Variants in TMTC1 observed in about 807,000 individuals in gnomAD.
TMTC1 encodes the protein protein O-mannosyl-transferase TMTC1.
In TMTC1, 73 loss-of-function variants were observed where a neutral mutation model predicts 104.8. That is an observed-to-expected ratio of 0.70 (90% confidence interval 0.58 to 0.85). TMTC1 has a LOEUF of 0.85. TMTC1 is among the 40% of genes least tolerant of loss of function. The pLI is 0.00. For missense variants in TMTC1, 1,035 were observed against 1,096.1 expected (o/e 0.94, Z 0.79); for synonymous variants, 434 against 428.7 (o/e 1.01, Z -0.15).
At chr12:29,574,742 C>T (rs997059438) in intron 8 of TMTC1, among the ~76,000 whole-genome samples, 1 of 152,240 alleles carries the variant, frequency 6.6e-6, no homozygotes, top group Non-Finnish European at 1.5e-5. Flanking sequence ...ATTAGGGCCT[C>T]ACCCTTGTGA....
chr12:29,630,388 T>TC (rs1315372560), intron 6 of TMTC1, among the ~76,000 whole-genome samples: 1 of 152,144 alleles, frequency 6.6e-6, no homozygotes, highest in East Asian at 1.9e-4. Flanking sequence ...CCATCAGATC[T>TC]CGTGAGAACT....
chr12:29,509,120 C>G (rs1565632573), intron 17 of TMTC1, among the ~76,000 whole-genome samples: 1 of 152,158 alleles, frequency 6.6e-6, no homozygotes, highest in Non-Finnish European at 1.5e-5. Context: ...CTGCCTCGGA[C>G]AGGGCAGCTA....
At chr12:29,617,390 C>A (rs567611116) in intron 6 of TMTC1, among the ~76,000 whole-genome samples, 1 of 152,056 alleles carries the variant, frequency 6.6e-6, no homozygotes, top group Non-Finnish European at 1.5e-5. Flanking sequence ...GTTTCATTGC[C>A]ATCTAAAAAG....
intron 6 of TMTC1, among the ~76,000 whole-genome samples, chr12:29,631,808 T>C (rs1201450678): frequency 6.6e-6 from 1 of 152,200 alleles, no homozygotes. Flanking sequence ...GCTGAAATTA[T>C]TACTCAGTTC....
intron 5 of TMTC1, among the ~76,000 whole-genome samples, chr12:29,717,042 A>AACAG (rs1469557912): frequency 6.6e-6 from 1 of 152,104 alleles, no homozygotes; most frequent in Non-Finnish European, 1.5e-5. Context: ...CAAACAAACA[A>AACAG]ACAAAAATTC....
intron 9 of TMTC1, among the ~76,000 whole-genome samples, chr12:29,565,507 C>T (rs1183058538): frequency 3.3e-5 from 5 of 152,162 alleles, no homozygotes; most frequent in Non-Finnish European, 7.3e-5. Flanking sequence ...TTACATTATA[C>T]CTCAGTTACC....
At chr12:29,531,164 T>G (rs1186436720) in intron 11 of TMTC1, among the ~76,000 whole-genome samples, 1 of 152,150 alleles carries the variant, frequency 6.6e-6, no homozygotes, top group Non-Finnish European at 1.5e-5. Flanking sequence ...ACTCTGGCGC[T>G]TGGTGGCATC....
intron 5 of TMTC1, among the ~76,000 whole-genome samples, chr12:29,637,476 A>C (rs1403056723): frequency 1.3e-5 from 2 of 152,242 alleles, no homozygotes; most frequent in Middle Eastern, 3.2e-3. Flanking sequence ...TGGCACAGAA[A>C]GCCAGGAATT....
At position 29,593,460 on chromosome 12, in the gene TMTC1, T is replaced by C. The variant is rs114864330; in HGVS notation, c.1251-9886A>G. 7.4e-3 allele frequency among the ~76,000 whole-genome samples: 1,130 copies of C among 152,336 alleles called. 10 individuals carry two copies. Among genetic ancestry groups the C allele is most frequent in the African/African-American group, 0.026 (1,080 of 41,572 alleles). On this transcript the variant is annotated intron_variant, in intron 7 of 17. Coordinates refer to ENST00000539277, the MANE Select transcript of TMTC1 (RefSeq NM_001193451.2). Reference sequence around the variant, plus strand: ...GTCCAGATTGACCCAAAATATCTAATTTCATTATAAGTTTTTTAAGAGCAA... The same window carrying C: ...GTCCAGATTGACCCAAAATATCTAACTTCATTATAAGTTTTTTAAGAGCAA...
chr12:29,730,832 C>T (rs1473917942), intron 5 of TMTC1, among the ~76,000 whole-genome samples: 1 of 152,114 alleles, frequency 6.6e-6, no homozygotes, highest in Non-Finnish European at 1.5e-5. Flanking sequence ...ATGGGAAATG[C>T]CATTCAGTAT....
chr12:29,699,329 A>G (rs1265147491), intron 5 of TMTC1, among the ~76,000 whole-genome samples: 2 of 152,214 alleles, frequency 1.3e-5, no homozygotes, highest in Admixed American at 6.5e-5. Context: ...TAATTTTAAA[A>G]TAATCTATAA....
At chr12:29,692,626 A>T (rs1403364457) in intron 5 of TMTC1, among the ~76,000 whole-genome samples, 1 of 145,192 alleles carries the variant, frequency 6.9e-6, no homozygotes, top group African/African-American at 2.5e-5. Flanking sequence ...TAAAGTGGCA[A>T]TTCCTTCCTT....
At chr12:29,533,090 T>C (rs1410736103) in intron 11 of TMTC1, 1 of 152,206 alleles carries the variant, frequency 6.6e-6, no homozygotes, top group Non-Finnish European at 1.5e-5. Context: ...CCACAAGGTT[T>C]TCTTCCTCAC....
chr12:29,757,724 TCA>T (rs1375447371), intron 3 of TMTC1, among the ~76,000 whole-genome samples: 2 of 152,142 alleles, frequency 1.3e-5, no homozygotes, highest in African/African-American at 4.8e-5. Context: ...TTTATTGAAC[TCA>T]CAGTTCCACA....
upstream of TMTC1, among the ~76,000 whole-genome samples, chr12:29,784,119 C>G (rs1388651263): frequency 1.3e-5 from 2 of 152,042 alleles, no homozygotes; most frequent in Non-Finnish European, 2.9e-5. Context: ...TCGCGGCGCG[C>G]GGCTGCCCGG....
At chr12:29,682,949 C>A (rs1218286534) in intron 5 of TMTC1, among the ~76,000 whole-genome samples, 1 of 152,124 alleles carries the variant, frequency 6.6e-6, no homozygotes, top group Non-Finnish European at 1.5e-5. Context: ...TACAATGTAA[C>A]CATTGGAAGC....
chr12:29,561,577 C>T (rs1162463763), intron 9 of TMTC1, among the ~76,000 whole-genome samples: 1 of 152,194 alleles, frequency 6.6e-6, no homozygotes, highest in African/African-American at 2.4e-5. Context: ...TTCTGATTTA[C>T]CCTTCTTCAG....
chr12:29,549,950 G>C (rs1699128583), intron 10 of TMTC1, among the ~76,000 whole-genome samples: 1 of 152,088 alleles, frequency 6.6e-6, no homozygotes, highest in South Asian at 2.1e-4. Flanking sequence ...TGACAGTCTA[G>C]AGTCCTACAT....
At chr12:29,520,550 C>T (rs1944120469) in intron 12 of TMTC1, 68 bp downstream of exon 12, 1 of 1,350,108 alleles carries the variant, frequency 7.4e-7, no homozygotes. Context: ...GATTATTTGC[C>T]TTCCATTTTG....
Sources: allele counts gnomAD v4.1 joint callset (sites outside exome capture counted in the v4.1 genomes callset), GRCh38; gene constraint gnomAD v4.1.1; transcripts MANE v1.5; gene names NCBI Gene and HGNC (gene_info 2026-07-23, HGNC 2026-07-21).